The following CACHD1 variants were observed in gnomAD, a reference collection of about 807,000 sequenced individuals.
The protein encoded by CACHD1 is cache domain containing 1.
Under a neutral mutation model 138.7 loss-of-function variants are expected in CACHD1, and 71 were observed. That is an observed-to-expected ratio of 0.51 (90% CI 0.42 to 0.62). The LOEUF is 0.62. Ranked by LOEUF, CACHD1 falls within the 20% of genes least tolerant of loss-of-function variation. The pLI is 0.00. For missense variants in CACHD1, 1,389 were observed against 1,625.3 expected, an observed-to-expected ratio of 0.85 and a Z score of 2.50; for synonymous variants, 578 against 591.5, an observed-to-expected ratio of 0.98 and a Z score of 0.33.
intron 16 of CACHD1, among the ~76,000 whole-genome samples, chr1:64,666,612 C>G (rs1649640664): frequency 6.6e-6 from 1 of 151,982 alleles, no homozygotes; most frequent in African/African-American, 2.4e-5. Context: ...TTCATTGGCT[C>G]ACACTTGTAA....
At chr1:64,653,648 G>A (rs1005628136) in intron 10 of CACHD1, 110 bp from the exon 11 acceptor site, 3 of 1,035,806 alleles carry the variant, frequency 2.9e-6, no homozygotes, top group African/African-American at 3.2e-5. Context: ...TGCAGAATGA[G>A]AAGTTGAGTA....
chr1:64,522,553 C>T (rs529212991), intron 1 of CACHD1, among the ~76,000 whole-genome samples: 17 of 93,072 alleles, frequency 1.8e-4, no homozygotes, highest in South Asian at 4.2e-4. Flanking sequence ...TCCGCCTGCC[C>T]GCTTCAGCCT....
intron 16 of CACHD1, among the ~76,000 whole-genome samples, chr1:64,669,334 G>A (rs937245957): frequency 2.0e-5 from 3 of 152,206 alleles, no homozygotes; most frequent in Non-Finnish European, 4.4e-5. Flanking sequence ...TGCTATTTTT[G>A]TTTTAAAGTT....
At chr1:64,606,667 G>A (rs1445847528) in intron 4 of CACHD1, among the ~76,000 whole-genome samples, 2 of 152,204 alleles carry the variant, frequency 1.3e-5, no homozygotes, top group African/African-American at 4.8e-5. Context: ...AGAAGTAGGG[G>A]AAGACAACTT....
At chr1:64,475,829 G>A (rs1646171868) in intron 1 of CACHD1, among the ~76,000 whole-genome samples, 1 of 152,142 alleles carries the variant, frequency 6.6e-6, no homozygotes. Context: ...AGATTAAACT[G>A]GCAATCACAG....
intron 7 of CACHD1, among the ~76,000 whole-genome samples, chr1:64,637,558 G>A (rs982451082): frequency 3.3e-5 from 5 of 152,206 alleles, no homozygotes; most frequent in Non-Finnish European, 7.3e-5. Flanking sequence ...GCAGGAGGCT[G>A]GTTTGATGAG....
chr1:64,682,203 A>G, intron 26 of CACHD1, 97 bp downstream of exon 26: 1 of 1,084,508 alleles, frequency 9.2e-7, no homozygotes, highest in Non-Finnish European at 1.4e-6. Context: ...TTCCAAAAAG[A>G]CACACCCCAG....
At chr1:64,490,771 G>A (rs955353164) in intron 1 of CACHD1, among the ~76,000 whole-genome samples, 4 of 152,172 alleles carry the variant, frequency 2.6e-5, no homozygotes, top group Non-Finnish European at 5.9e-5. Flanking sequence ...CTACCTCAAA[G>A]GTTGTAGTGA....
intron 1 of CACHD1, among the ~76,000 whole-genome samples, chr1:64,532,963 T>A (rs1646600280): frequency 6.6e-6 from 1 of 151,966 alleles, no homozygotes; most frequent in Non-Finnish European, 1.5e-5. Context: ...TTATTGGTAT[T>A]TTTTATAACG....
intron 25 of CACHD1, among the ~76,000 whole-genome samples, chr1:64,681,541 G>GTTTTTTTTTTTTTTTTTTT (rs57993424): frequency 1.8e-4 from 12 of 68,144 alleles, no homozygotes; most frequent in South Asian, 6.3e-4. Context: ...ATTTTATTGT[G>GTTTTTTTTTTTTTTTTTTT]TTTTTTTTTT....
Position 64,542,697 on chromosome 1 carries a change from G to A in CACHD1, c.199-7897G>A, listed in dbSNP as rs76043586. ...ATTTTGATCAACTTCTAGGTGTTAC[G>A]TAAGTTTTCTCTATTAAACTCTATT... On this transcript the variant is annotated intron_variant, in intron 1 of 26. Transcript: ENST00000651257. Among the ~76,000 whole-genome samples the A allele has an allele frequency of 7.8e-4, 118 of 152,198 alleles. 1 individual carries two copies. The highest frequency in any genetic ancestry group is 6.7e-3 in the East Asian group (35 of 5,194).
rs554175742 is a variant in CACHD1 at position 64,510,785 on chromosome 1, C to T, written c.199-39809C>T. Among the ~76,000 whole-genome samples the T allele has an allele frequency of 4.6e-5, 7 of 152,286 alleles. No homozygotes were observed. In the South Asian group the frequency reaches 1.5e-3, roughly 32 times the overall value. On this transcript the variant is annotated intron_variant, in intron 1 of 26. Coordinates refer to ENST00000651257, the MANE Select transcript of CACHD1 (RefSeq NM_020925.4). The stretch of plus-strand genomic sequence containing the variant: ...AGATTCAGATACATGCAGACAATGC[C>T]AAGTGCTCCTGTAAATCTCTTGCAA...
At chr1:64,690,774 G>T (rs78405643) in intron 26 of CACHD1, among the ~76,000 whole-genome samples, 2,577 of 152,308 alleles carry the variant, frequency 0.017, 69 homozygotes, top group African/African-American at 0.058. Context: ...AAGCAAGCAC[G>T]CAGGTGATGG....
chr1:64,666,541 T>C (rs1424713841), intron 16 of CACHD1, among the ~76,000 whole-genome samples: 1 of 152,134 alleles, frequency 6.6e-6, no homozygotes, highest in African/African-American at 2.4e-5. Flanking sequence ...CTGACAATTA[T>C]GATTGCCAGA....
chr1:64,688,810 C>T (rs1244647460), intron 26 of CACHD1, among the ~76,000 whole-genome samples: 3 of 152,084 alleles, frequency 2.0e-5, no homozygotes, highest in Admixed American at 6.6e-5. Context: ...CAGAAGCCAC[C>T]AGAGCCCTTC....
intron 1 of CACHD1, among the ~76,000 whole-genome samples, chr1:64,543,930 C>T (rs1343996171): frequency 5.7e-5 from 8 of 140,798 alleles, no homozygotes; most frequent in African/African-American, 1.0e-4. Context: ...TGTGATCCAC[C>T]GGCCTCGGCC....
At chr1:64,498,137 C>A (rs1158783617) in intron 1 of CACHD1, among the ~76,000 whole-genome samples, 1 of 152,094 alleles carries the variant, frequency 6.6e-6, no homozygotes, top group African/African-American at 2.4e-5. Context: ...TAAAACAAAA[C>A]AAAAGAGTGT....
intron 3 of CACHD1, among the ~76,000 whole-genome samples, chr1:64,592,842 C>T (rs1647118723): frequency 6.6e-6 from 1 of 151,984 alleles, no homozygotes; most frequent in Admixed American, 6.6e-5. Flanking sequence ...AGTAATGACA[C>T]CTTAAGGTAC....
intron 12 of CACHD1, among the ~76,000 whole-genome samples, chr1:64,655,871 A>G (rs1649245000): frequency 6.6e-6 from 1 of 152,226 alleles, no homozygotes; most frequent in South Asian, 2.1e-4. Context: ...TCTTGGATGG[A>G]CAAATCAGAT....
Sources: gnomAD v4.1 joint callset for allele counts (sites outside exome capture counted in the v4.1 genomes callset) on GRCh38, gnomAD v4.1.1 for gene constraint, MANE v1.5 for transcripts, NCBI Gene and HGNC (gene_info 2026-07-23, HGNC 2026-07-21) for gene names.